Variants in CLIC5 observed in about 807,000 individuals in gnomAD.
CLIC5 encodes chloride intracellular channel protein 5.
A neutral mutation model predicts 24.7 loss-of-function variants in CLIC5; 20 were observed. The ratio of observed to expected loss-of-function variants is 0.81; its 90% CI spans 0.57 to 1.18. The LOEUF (loss-of-function observed/expected upper bound fraction) is 1.18, where lower values mean the gene tolerates loss of function less well. Among genes scored for constraint, CLIC5 ranks in the 50% most tolerant of loss-of-function variants. CLIC5 has a pLI of 0.00. For synonymous variants in CLIC5, 159 were observed against 135.6 expected (o/e 1.17, Z -1.20); for missense variants, 341 against 326.1 (o/e 1.05, Z -0.35).
the CLIC5 span, among the ~76,000 whole-genome samples, chr6:46,106,300 G>A: frequency 6.6e-6 from 1 of 152,108 alleles, no homozygotes; most frequent in African/African-American, 2.4e-5. Context: ...TAGAGACAGG[G>A]TTTCACCATG....
intron 4 of CLIC5, among the ~76,000 whole-genome samples, chr6:45,926,415 A>ATTT (rs1230203093): frequency 2.8e-5 from 4 of 140,872 alleles, no homozygotes; most frequent in Non-Finnish European, 6.3e-5. Flanking sequence ...ACCCGGCTAA[A>ATTT]TTTTTTTTTT....
intron 3 of CLIC5, among the ~76,000 whole-genome samples, chr6:45,944,097 G>A (rs1764216132): frequency 6.6e-6 from 1 of 152,076 alleles, no homozygotes; most frequent in Admixed American, 6.5e-5. Flanking sequence ...GATGTGATCT[G>A]ATGATAATCA....
chr6:46,050,687 A>C (rs1235544889), intron 1 of CLIC5, among the ~76,000 whole-genome samples: 4 of 152,204 alleles, frequency 2.6e-5, no homozygotes, highest in African/African-American at 9.7e-5. Context: ...TTTGCCACAA[A>C]AGAATCATGG....
At chr6:46,003,692 G>C (rs1165342894) in intron 1 of CLIC5, among the ~76,000 whole-genome samples, 2 of 152,324 alleles carry the variant, frequency 1.3e-5, no homozygotes, top group Middle Eastern at 3.4e-3. Flanking sequence ...GTTAAGGGCA[G>C]TGTTCCCTTA....
At chr6:45,996,997 T>C (rs898548166) in intron 1 of CLIC5, among the ~76,000 whole-genome samples, 1 of 152,150 alleles carries the variant, frequency 6.6e-6, no homozygotes, top group Non-Finnish European at 1.5e-5. Flanking sequence ...AGCCATCCCA[T>C]TACTGGGTAT....
rs2144160 is a variant in CLIC5 at position 46,062,581 on chromosome 6, G to A, written c.540+17122C>T. 8.5e-5 allele frequency among the ~76,000 whole-genome samples: 13 copies of A among 152,270 alleles called. No homozygotes were observed. In the South Asian group the frequency reaches 1.7e-3, roughly 19 times the overall value. ...AAGCATAAAAGTGGGACATGCCTTC[G>A]AGCCCAGTTTTCTAACCTTTGTCCT... On this transcript the variant is annotated intron_variant, in intron 1 of 5. Transcript: ENST00000185206.
At chr6:46,114,003 G>A in the CLIC5 span, among the ~76,000 whole-genome samples, 1 of 152,174 alleles carries the variant, frequency 6.6e-6, no homozygotes, top group Non-Finnish European at 1.5e-5. Flanking sequence ...AGATTTCAGC[G>A]AAGAAACAGT....
At chr6:46,094,577 A>G in the CLIC5 span, among the ~76,000 whole-genome samples, 1 of 152,206 alleles carries the variant, frequency 6.6e-6, no homozygotes, top group African/African-American at 2.4e-5. Flanking sequence ...TAAAGCTCCA[A>G]AATAATCTTC....
chr6:46,098,988 G>C, the CLIC5 span, among the ~76,000 whole-genome samples: 1 of 152,206 alleles, frequency 6.6e-6, no homozygotes, highest in East Asian at 1.9e-4. Flanking sequence ...CTGCGGGGGT[G>C]GGGGTAGAAG....
rs9381414 is a variant in CLIC5, at chr6:46,006,111, T to C, written c.63+9369A>G. Among the ~76,000 whole-genome samples, 168 of 28,692 alleles carry C rather than the reference T, an allele frequency of 5.9e-3. 14 individuals carry two copies. Among genetic ancestry groups the C allele is most frequent in the Middle Eastern group, 0.091 (2 of 22 alleles). The allele number at this position is 28,692 out of a possible 152,430, so 18.8% of individuals were successfully genotyped here. ...ATAAATACATATATATATATATATA[T>C]ACACATGTATAAATACATATATATA... On this transcript the variant is annotated intron_variant, in intron 1 of 5. Coordinates refer to ENST00000339561, the MANE Select transcript of CLIC5 (RefSeq NM_016929.5).
intron 2 of CLIC5, among the ~76,000 whole-genome samples, chr6:45,949,978 T>G (rs1408833298): frequency 6.6e-6 from 1 of 152,224 alleles, no homozygotes; most frequent in East Asian, 1.9e-4. Context: ...AAACAGCCCC[T>G]GATATGGTCT....
rs545972092 is a variant in CLIC5 at position 46,068,785 on chromosome 6, A to C, written c.540+10918T>G. 2.5e-3 allele frequency among the ~76,000 whole-genome samples: 383 copies of C among 152,278 alleles called. 2 individuals carry two copies. Among genetic ancestry groups the C allele is most frequent in the African/African-American group, 8.4e-3 (347 of 41,550 alleles). On this transcript the variant is annotated intron_variant, in intron 1 of 5. Transcript: ENST00000185206. The stretch of plus-strand genomic sequence containing the variant: ...GAAGACCATGTGAAGACACAGAGAG[A>C]AAGAAGATGGTGATCTACAAGCCTT...
chr6:45,882,425 A>G (rs2127279710), intron 6 of CLIC5, among the ~76,000 whole-genome samples: 1 of 152,334 alleles, frequency 6.6e-6, no homozygotes, highest in South Asian at 2.1e-4. Context: ...ACCTCAAGGC[A>G]CTCACAACTG....
At chr6:45,940,907 A>G (rs1764105983) in intron 4 of CLIC5, among the ~76,000 whole-genome samples, 1 of 152,220 alleles carries the variant, frequency 6.6e-6, no homozygotes, top group Non-Finnish European at 1.5e-5. Flanking sequence ...TGCTGTGAGC[A>G]TAACTGGGGG....
In CLIC5 at chr6:45,912,655, C is replaced by T. The variant is rs546115439; in HGVS notation, c.588+1573G>A. On this transcript the variant is annotated intron_variant, in intron 5 of 5. Coordinates refer to ENST00000339561, the MANE Select transcript of CLIC5 (RefSeq NM_016929.5). Reference sequence around the variant, plus strand: ...TGGCAGCAAATACAGGACCGGAACTCGGGTCTCCTGATCTTTGCATTGTAT... The same window carrying T: ...TGGCAGCAAATACAGGACCGGAACTTGGGTCTCCTGATCTTTGCATTGTAT... The T allele has an allele frequency of 1.7e-4, 263 of 1,531,598 alleles. No homozygotes were observed. The African/African-American group carries it at 2.5e-3, about 14-fold the overall frequency. 94.9% of individuals were successfully genotyped at this position (1,531,598 alleles called of 1,614,324 possible).
At chr6:46,084,342 C>T (rs1422672593), upstream of CLIC5, among the ~76,000 whole-genome samples, 5 of 152,108 alleles carry the variant, frequency 3.3e-5, no homozygotes, top group African/African-American at 9.7e-5. Context: ...TTATTTTGCT[C>T]GTTAGTTGAT....
At chr6:45,925,030 T>A (rs565499555) in intron 4 of CLIC5, among the ~76,000 whole-genome samples, 19 of 152,220 alleles carry the variant, frequency 1.2e-4, no homozygotes, top group Non-Finnish European at 2.5e-4. Context: ...TTAGGAGCTC[T>A]AAGCAGCAGC....
intron 1 of CLIC5, among the ~76,000 whole-genome samples, chr6:46,057,261 G>T (rs1768285031): frequency 1.3e-5 from 2 of 152,160 alleles, no homozygotes; most frequent in Admixed American, 1.3e-4. Flanking sequence ...CATGAGGACT[G>T]GTCTTTCCCA....
At chr6:45,963,423 C>T (rs182830211) in intron 1 of CLIC5, among the ~76,000 whole-genome samples, 5 of 152,252 alleles carry the variant, frequency 3.3e-5, no homozygotes, top group African/African-American at 1.2e-4. Flanking sequence ...TAGGGTCCCT[C>T]ATTTTCATTT....
Sources: gnomAD v4.1 joint callset for allele counts (sites outside exome capture counted in the v4.1 genomes callset) on GRCh38, gnomAD v4.1.1 for gene constraint, MANE v1.5 for transcripts, NCBI Gene and HGNC (gene_info 2026-07-23, HGNC 2026-07-21) for gene names.